Variants in NDUFS4 observed in about 807,000 individuals in gnomAD.
NDUFS4 encodes NADH dehydrogenase [ubiquinone] iron-sulfur protein 4, mitochondrial.
A neutral mutation model predicts 24.3 loss-of-function variants in NDUFS4; 28 were observed. The ratio of observed to expected loss-of-function variants is 1.15; its 90% CI spans 0.85 to 1.58. NDUFS4 has a LOEUF of 1.58. NDUFS4 is among the 40% of genes most tolerant of loss of function. NDUFS4 has a pLI of 0.00. For missense variants in NDUFS4, 223 were observed against 207.9 expected, an observed-to-expected ratio of 1.07 and a Z score of -0.45; for synonymous variants, 93 against 69.7, an observed-to-expected ratio of 1.34 and a Z score of -1.67.
chr5:53,615,168 C>G (rs2112471136), intron 2 of NDUFS4, among the ~76,000 whole-genome samples: 1 of 151,730 alleles, frequency 6.6e-6, no homozygotes, highest in African/African-American at 2.4e-5. Flanking sequence ...GTAAATAGTA[C>G]TTTGTTTTTA....
rs1162880683 is a variant in NDUFS4 at position 53,671,708 on chromosome 5, TG to T, written c.425-11408del. On this transcript the variant is annotated intron_variant, in intron 4 of 4. Coordinates refer to ENST00000296684, the MANE Select transcript of NDUFS4 (RefSeq NM_002495.4). ...AGTGATGGGGTAGAAGGATGGGGGGTGGAGGAAGCTACATCATGGAGAGAGG... is the reference window on the plus strand; with the variant it reads ...AGTGATGGGGTAGAAGGATGGGGGGTGAGGAAGCTACATCATGGAGAGAGG... 4.6e-5 allele frequency among the ~76,000 whole-genome samples: 7 copies of T among 151,938 alleles called. No homozygotes were observed. In the South Asian group the frequency reaches 1.5e-3, roughly 32 times the overall value.
intron 3 of NDUFS4, among the ~76,000 whole-genome samples, chr5:53,654,760 G>GT (rs1752116138): frequency 6.6e-6 from 1 of 152,138 alleles, no homozygotes; most frequent in African/African-American, 2.4e-5. Flanking sequence ...GTGCCAAAAT[G>GT]TTTCACCAAT....
At chr5:53,606,563 C>T (rs780933310) in intron 2 of NDUFS4, among the ~76,000 whole-genome samples, 4 of 152,194 alleles carry the variant, frequency 2.6e-5, no homozygotes, top group Non-Finnish European at 5.9e-5. Context: ...GACGGTTTCA[C>T]CCTGTTGGCC....
intron 2 of NDUFS4, among the ~76,000 whole-genome samples, chr5:53,610,380 A>G (rs1043361981): frequency 1.3e-5 from 2 of 152,194 alleles, no homozygotes; most frequent in Admixed American, 6.5e-5. Flanking sequence ...CAATAGTAAC[A>G]TCAAAGATCA....
intron 2 of NDUFS4, among the ~76,000 whole-genome samples, chr5:53,635,348 CAAA>C (rs5867886): frequency 7.3e-6 from 1 of 136,404 alleles, no homozygotes. Context: ...CCCATCTCTA[CAAA>C]AAAAAAAAAA....
chr5:53,655,852 T>C (rs1752146300), intron 3 of NDUFS4, among the ~76,000 whole-genome samples: 1 of 152,210 alleles, frequency 6.6e-6, no homozygotes, highest in African/African-American at 2.4e-5. Context: ...TCTGAAGTTT[T>C]GATGGAAAGC....
At chr5:53,577,116 G>C (rs1749413818) in intron 1 of NDUFS4, among the ~76,000 whole-genome samples, 1 of 152,122 alleles carries the variant, frequency 6.6e-6, no homozygotes, top group African/African-American at 2.4e-5. Flanking sequence ...AGCCTGGGGA[G>C]TGAGAGAGGG....
chr5:53,636,956 T>G (rs1048009397), intron 2 of NDUFS4, among the ~76,000 whole-genome samples: 2 of 152,190 alleles, frequency 1.3e-5, no homozygotes, highest in African/African-American at 4.8e-5. Context: ...TGTGAGCCAA[T>G]TAAACCTCTT....
At chr5:53,657,564 A>T (rs992409786) in intron 3 of NDUFS4, among the ~76,000 whole-genome samples, 3 of 152,138 alleles carry the variant, frequency 2.0e-5, no homozygotes, top group African/African-American at 7.2e-5. Context: ...GTTTCATAGA[A>T]TGCTATATTC....
At chr5:53,627,598 TC>T (rs1336976858) in intron 2 of NDUFS4, among the ~76,000 whole-genome samples, 1 of 152,170 alleles carries the variant, frequency 6.6e-6, no homozygotes, top group Non-Finnish European at 1.5e-5. Flanking sequence ...GTCCTTCACA[TC>T]CCTTGTAAGT....
chr5:53,591,658 G>C (rs1749964446), intron 1 of NDUFS4, among the ~76,000 whole-genome samples: 1 of 152,214 alleles, frequency 6.6e-6, no homozygotes, highest in South Asian at 2.1e-4. Flanking sequence ...CTGCCAGACT[G>C]TCTTCCAAAT....
intron 1 of NDUFS4, among the ~76,000 whole-genome samples, chr5:53,602,960 C>T (rs1421799613): frequency 6.6e-6 from 1 of 152,158 alleles, no homozygotes; most frequent in Non-Finnish European, 1.5e-5. Context: ...GGCTACAGGA[C>T]TAAACTAATA....
rs1303664498 is a variant in NDUFS4 at position 53,585,973 on chromosome 5, G to A, written c.99-17479G>A. Among the ~76,000 whole-genome samples, 4 of 152,056 alleles carry A rather than the reference G, an allele frequency of 2.6e-5. No individual in the cohort carries two copies. The East Asian group carries it at 7.7e-4, about 29-fold the overall frequency. ...TTTGTAGACATCCATTTTTAAAATT[G>A]TATTTTAAAATGGCATTGCTTTGCT... On this transcript the variant is annotated intron_variant, in intron 1 of 4. Transcript: ENST00000296684.
chr5:53,647,028 T>A (rs1277502850), intron 3 of NDUFS4, among the ~76,000 whole-genome samples: 1 of 151,712 alleles, frequency 6.6e-6, no homozygotes, highest in Non-Finnish European at 1.5e-5. Context: ...TATAATATAG[T>A]GACACTTTAA....
intron 4 of NDUFS4, among the ~76,000 whole-genome samples, chr5:53,664,046 T>A (rs192393435): frequency 2.0e-5 from 3 of 152,158 alleles, no homozygotes; most frequent in Non-Finnish European, 2.9e-5. Flanking sequence ...AAAATCTCTT[T>A]GCATTTGCTT....
chr5:53,603,362 A>C, intron 1 of NDUFS4, 90 bp from the exon 2 acceptor site: 1 of 807,780 alleles, frequency 1.2e-6, no homozygotes, highest in South Asian at 1.5e-5. Context: ...AATAAGACAG[A>C]TATTGTTAAA....
intron 1 of NDUFS4, among the ~76,000 whole-genome samples, chr5:53,574,384 T>C (rs562121045): frequency 2.0e-5 from 3 of 152,234 alleles, no homozygotes; most frequent in African/African-American, 7.2e-5. Flanking sequence ...TTTTCAAATA[T>C]TGAATCAGCT....
At chr5:53,631,821 C>T (rs1305454734) in intron 2 of NDUFS4, among the ~76,000 whole-genome samples, 1 of 152,206 alleles carries the variant, frequency 6.6e-6, no homozygotes, top group African/African-American at 2.4e-5. Context: ...GCTTCATGGG[C>T]ACGGGACCTG....
At chr5:53,595,355 C>T (rs1579850762) in intron 1 of NDUFS4, among the ~76,000 whole-genome samples, 1 of 152,014 alleles carries the variant, frequency 6.6e-6, no homozygotes, top group Non-Finnish European at 1.5e-5. Context: ...AAATTGTTTC[C>T]AGTTATTAAT....
Sources: allele counts gnomAD v4.1 joint callset (sites outside exome capture counted in the v4.1 genomes callset), GRCh38; gene constraint gnomAD v4.1.1; transcripts MANE v1.5; gene names NCBI Gene and HGNC (gene_info 2026-07-23, HGNC 2026-07-21).